The following MBD5 variants were observed in gnomAD, a reference collection of about 807,000 sequenced individuals.
MBD5 encodes the protein methyl-CpG binding domain protein 5.
In MBD5, 13 loss-of-function variants were observed where a neutral mutation model predicts 117.3. The observed-to-expected ratio is 0.11, with a 90% confidence interval of 0.07 to 0.18. MBD5 has a LOEUF of 0.18. Ranked by LOEUF, MBD5 falls within the 10% of genes least tolerant of loss-of-function variation. The probability of loss-of-function intolerance (pLI) is 1.00; values close to 1 mark genes in which losing one functional copy is unlikely to be tolerated. For missense variants in MBD5, 1,879 were observed against 2,093.8 expected (o/e 0.90, Z 2.00); for synonymous variants, 727 against 766.4 (o/e 0.95, Z 0.85).
At chr2:148,331,823 A>G (rs905972505) in intron 3 of MBD5, among the ~76,000 whole-genome samples, 1 of 152,146 alleles carries the variant, frequency 6.6e-6, no homozygotes, top group Non-Finnish European at 1.5e-5. Context: ...CTAAGCAAAC[A>G]TACAGGGTGT....
intron 1 of MBD5, among the ~76,000 whole-genome samples, chr2:148,113,493 G>A (rs1375309962): frequency 6.6e-6 from 1 of 152,172 alleles, no homozygotes; most frequent in Non-Finnish European, 1.5e-5. Context: ...AGAAGATAGA[G>A]GAGCTTAAAA....
chr2:148,356,320 TC>T (rs982812480), intron 4 of MBD5, among the ~76,000 whole-genome samples: 2 of 152,132 alleles, frequency 1.3e-5, no homozygotes, highest in Non-Finnish European at 2.9e-5. Flanking sequence ...AATAGCAACT[TC>T]CCATGCCTGG....
At chr2:148,457,309 C>A (rs951870323) in intron 4 of MBD5, among the ~76,000 whole-genome samples, 2 of 152,072 alleles carry the variant, frequency 1.3e-5, no homozygotes, top group East Asian at 3.9e-4. Flanking sequence ...TTTACGCATT[C>A]TTTAGTGTAG....
intron 1 of MBD5, among the ~76,000 whole-genome samples, chr2:148,049,361 A>T (rs1694628503): frequency 6.6e-6 from 1 of 152,236 alleles, no homozygotes; most frequent in African/African-American, 2.4e-5. Context: ...GGAGCTAGCC[A>T]TAGAATAATT....
chr2:148,372,599 G>A (rs192937504), intron 4 of MBD5, among the ~76,000 whole-genome samples: 1 of 152,002 alleles, frequency 6.6e-6, no homozygotes, highest in Non-Finnish European at 1.5e-5. Flanking sequence ...AAAGCATTAT[G>A]ATATGTTGTT....
rs557004422 is a variant in MBD5, at chr2:148,169,747, T to A, written c.-924-8953T>A. Among the ~76,000 whole-genome samples the A allele has an allele frequency of 4.6e-5, 7 of 152,334 alleles. No individual in the cohort carries two copies. The South Asian group carries it at 1.2e-3, about 27-fold the overall frequency. On this transcript the variant is annotated intron_variant, in intron 1 of 13. Coordinates refer to ENST00000642680, the MANE Select transcript of MBD5 (RefSeq NM_001378120.1). ...AGAGATCTTTAGATTCTTTGTACTT[T>A]TTTTCAGTGAGCTCACATCCTACTG...
chr2:148,052,761 A>C (rs1694751868), intron 1 of MBD5, among the ~76,000 whole-genome samples: 1 of 152,018 alleles, frequency 6.6e-6, no homozygotes. Flanking sequence ...TGATAAACCC[A>C]CTTTGTTTGG....
At position 148,075,758 on chromosome 2, in the gene MBD5, T is replaced by C. The variant is rs1199980885; in HGVS notation, c.-925+54074T>C. On this transcript the variant is annotated intron_variant, in intron 1 of 13. Transcript: ENST00000642680. ...TAGGCGTCTCACTCAGGATTAATAA[T>C]TGATTAGACTTTTATAAGTACAGTT... Among the ~76,000 whole-genome samples the C allele has an allele frequency of 2.6e-5, 4 of 152,072 alleles. No homozygotes were observed. The East Asian group carries it at 7.7e-4, about 29-fold the overall frequency.
chr2:148,164,482 T>A (rs1277545876), intron 1 of MBD5, among the ~76,000 whole-genome samples: 2 of 152,180 alleles, frequency 1.3e-5, no homozygotes, highest in African/African-American at 4.8e-5. Context: ...ATTTAGTATT[T>A]TAGCAACTAG....
At chr2:148,034,128 A>G (rs747388448) in intron 1 of MBD5, among the ~76,000 whole-genome samples, 110 of 152,242 alleles carry the variant, frequency 7.2e-4, no homozygotes, top group Non-Finnish European at 1.3e-3. Flanking sequence ...CTGCGAGGTC[A>G]AGGCTGCAGG....
At chr2:148,412,070 T>G (rs796569717) in intron 4 of MBD5, among the ~76,000 whole-genome samples, 5 of 152,302 alleles carry the variant, frequency 3.3e-5, no homozygotes, top group African/African-American at 1.2e-4. Flanking sequence ...CTTCTGCATA[T>G]GGCTAGCCAG....
intron 1 of MBD5, among the ~76,000 whole-genome samples, chr2:148,133,100 T>C (rs996182952): frequency 6.6e-6 from 1 of 152,224 alleles, no homozygotes; most frequent in African/African-American, 2.4e-5. Flanking sequence ...ATGTTAATTT[T>C]ATTAAAAATT....
chr2:148,178,595 T>C (rs1698442632), intron 1 of MBD5, 105 bp from the exon 2 acceptor site: 3 of 385,762 alleles, frequency 7.8e-6, no homozygotes, highest in Non-Finnish European at 1.4e-5. Flanking sequence ...CCCAGGCTTA[T>C]TATATAAAGT....
rs528025370 is a variant in MBD5, at chr2:148,361,659, G to T, written c.-557+19323G>T. 1.6e-4 allele frequency among the ~76,000 whole-genome samples: 25 copies of T among 152,226 alleles called. No homozygotes were observed. In the South Asian group the frequency reaches 4.6e-3, roughly 28 times the overall value. ...TAACAATAGTTATTTTTAAAGACAC[G>T]TTGCCAATCCCATAGTTTGGACAAC... On this transcript the variant is annotated intron_variant, in intron 4 of 13. Transcript: ENST00000642680.
At chr2:148,457,251 T>G (rs1490878282) in intron 4 of MBD5, among the ~76,000 whole-genome samples, 1 of 152,166 alleles carries the variant, frequency 6.6e-6, no homozygotes, top group Non-Finnish European at 1.5e-5. Flanking sequence ...ACTGAAATAT[T>G]TATCACAAAC....
intron 2 of MBD5, among the ~76,000 whole-genome samples, chr2:148,228,222 A>T (rs945898114): frequency 6.6e-6 from 1 of 152,156 alleles, no homozygotes; most frequent in Non-Finnish European, 1.5e-5. Flanking sequence ...GTTTTTGTCC[A>T]TTCAGTATGA....
At chr2:148,385,012 A>C (rs191186125) in intron 4 of MBD5, among the ~76,000 whole-genome samples, 33 of 152,378 alleles carry the variant, frequency 2.2e-4, no homozygotes, top group African/African-American at 7.9e-4. Context: ...CAAAAACCCT[A>C]GAAGAAAACC....
chr2:148,468,205 A>G, intron 7 of MBD5, 136 bp from the exon 8 acceptor site: 1 of 695,372 alleles, frequency 1.4e-6, no homozygotes, highest in African/African-American at 1.8e-5. Flanking sequence ...ATAGAATCAC[A>G]GCTTTTATTT....
At chr2:148,434,127 T>A (rs1218124576) in intron 4 of MBD5, among the ~76,000 whole-genome samples, 1 of 152,056 alleles carries the variant, frequency 6.6e-6, no homozygotes, top group Non-Finnish European at 1.5e-5. Context: ...GGAGGTTGTA[T>A]ATTTCCAGAG....
Sources: gnomAD v4.1 joint callset for allele counts (sites outside exome capture counted in the v4.1 genomes callset) on GRCh38, gnomAD v4.1.1 for gene constraint, MANE v1.5 for transcripts, NCBI Gene and HGNC (gene_info 2026-07-23, HGNC 2026-07-21) for gene names.